MBIP: variants seen among roughly 807,000 people sequenced by gnomAD.
The protein encoded by MBIP is MAP3K12 binding inhibitory protein 1.
Under a neutral mutation model 45.7 loss-of-function variants are expected in MBIP, and 32 were observed. The ratio of observed to expected loss-of-function variants is 0.70; its 90% CI spans 0.53 to 0.94. The LOEUF is 0.94. Among genes scored for constraint, MBIP ranks in the 40% least tolerant of loss-of-function variants. MBIP has a pLI of 0.00. For synonymous variants in MBIP, 145 were observed against 141.0 expected, an observed-to-expected ratio of 1.03 and a Z score of -0.20; for missense variants, 381 against 405.5, an observed-to-expected ratio of 0.94 and a Z score of 0.52.
intron 1 of MBIP, among the ~76,000 whole-genome samples, chr14:36,318,175 T>G (rs1468054560): frequency 6.6e-6 from 1 of 152,048 alleles, no homozygotes; most frequent in Admixed American, 6.5e-5. Flanking sequence ...TTTCATAGTC[T>G]TCAAGGAGAT....
At chr14:36,318,270 T>C (rs1030970877) in intron 1 of MBIP, among the ~76,000 whole-genome samples, 1 of 152,002 alleles carries the variant, frequency 6.6e-6, no homozygotes, top group Non-Finnish European at 1.5e-5. Flanking sequence ...TCACATTTTC[T>C]AGAGAAAATA....
intron 5 of MBIP, 113 bp from the exon 6 acceptor site, chr14:36,311,838 G>A (rs1880231170): frequency 8.6e-6 from 10 of 1,159,242 alleles, no homozygotes; most frequent in Non-Finnish European, 1.2e-5. Flanking sequence ...CCACAAGTAT[G>A]AAGGACGGCA....
intron 7 of MBIP, among the ~76,000 whole-genome samples, chr14:36,305,726 C>A (rs973685399): frequency 6.6e-6 from 1 of 152,096 alleles, no homozygotes; most frequent in East Asian, 1.9e-4. Context: ...ACCTTCATAA[C>A]CTCCTCTGCC....
chr14:36,319,915 T>G (rs1351003377), intron 1 of MBIP: 2 of 163,928 alleles, frequency 1.2e-5, no homozygotes, highest in Non-Finnish European at 2.7e-5. Context: ...AGAAGTATTT[T>G]AAATGAATTC....
At chr14:36,300,048 T>C (rs1173289802) in intron 8 of MBIP, among the ~76,000 whole-genome samples, 1 of 152,136 alleles carries the variant, frequency 6.6e-6, no homozygotes, top group East Asian at 1.9e-4. Context: ...ATGATGAATT[T>C]TATGTTATGT....
At chr14:36,304,712 T>C (rs1435324325) in intron 7 of MBIP, among the ~76,000 whole-genome samples, 2 of 152,254 alleles carry the variant, frequency 1.3e-5, no homozygotes, top group Admixed American at 6.5e-5. Context: ...TAACTTATTT[T>C]GGAGTTTTAT....
intron 6 of MBIP, among the ~76,000 whole-genome samples, chr14:36,311,047 T>C (rs561968118): frequency 6.6e-5 from 10 of 152,292 alleles, no homozygotes; most frequent in African/African-American, 2.4e-4. Context: ...ACTCTAGTAG[T>C]AGCAGTAGAG....
chr14:36,301,215 C>T (rs79447545), intron 7 of MBIP, among the ~76,000 whole-genome samples: 7,570 of 152,108 alleles, frequency 0.05, 582 homozygotes, highest in African/African-American at 0.17. Context: ...AAAGGAAAAA[C>T]GGAATCTGGT....
intron 4 of MBIP, chr14:36,313,159 A>C (rs1037821668): frequency 2.1e-5 from 3 of 144,402 alleles, no homozygotes; most frequent in Non-Finnish European, 3.0e-5. Context: ...TTTTTTTTGG[A>C]GGCACCTCAA....
chr14:36,316,565 G>T, intron 2 of MBIP, 128 bp downstream of exon 2: 2 of 846,500 alleles, frequency 2.4e-6, no homozygotes, highest in Non-Finnish European at 3.6e-6. Context: ...ATTAAATCCG[G>T]ATGTAAATAA....
At chr14:36,318,331 C>T (rs79855793) in intron 1 of MBIP, among the ~76,000 whole-genome samples, 5,638 of 152,062 alleles carry the variant, frequency 0.037, 314 homozygotes, top group African/African-American at 0.13. Flanking sequence ...CATTTCAATT[C>T]AGCAGAATTA....
chr14:36,314,472 G>T (rs1880421770), intron 4 of MBIP, 40 bp downstream of exon 4: 6 of 1,202,886 alleles, frequency 5.0e-6, no homozygotes, highest in Non-Finnish European at 7.1e-6. Context: ...TATAAAAATT[G>T]TGCTTAAAAC....
At position 36,308,141 on chromosome 14, in the gene MBIP, T is replaced by C; in HGVS notation, c.839A>G (p.Asp280Gly). Residue 280 changes from aspartate (D) to glycine (G), a missense_variant, in exon 7 of 9, where the codon GAT becomes GGT. Asp to Gly is a moderately conservative substitution (Grantham distance 94). Transcript: ENST00000416007. The part of the protein sequence containing the change: ...DIYQRIKKLE[D>G]KILELEGISP... ...GATGCCTTCCAATTCAAGGATTTTA[T>C]CCTCAAGTTTTTTAATTCTCTGATA... 1.2e-6 allele frequency: 2 copies of C among 1,607,632 alleles called. No homozygotes were observed. The highest frequency in any genetic ancestry group is 1.7e-6 in the Non-Finnish European group (2 of 1,175,816).
intron 1 of MBIP, among the ~76,000 whole-genome samples, chr14:36,318,425 T>C (rs929026728): frequency 2.0e-5 from 3 of 151,982 alleles, no homozygotes; most frequent in Non-Finnish European, 2.9e-5. Context: ...ACTGTCCTAA[T>C]ACATCTAACT....
At chr14:36,304,949 G>A (rs904513041) in intron 7 of MBIP, 12 of 152,304 alleles carry the variant, frequency 7.9e-5, no homozygotes, top group Admixed American at 6.5e-4. Flanking sequence ...GAGTTCAGGA[G>A]TTCCAACAAA....
chr14:36,314,675 C>CA lies in MBIP; in HGVS notation c.474+15dup, dbSNP rs1443919163. On this transcript the variant is annotated intron_variant, in intron 3 of 8. Coordinates refer to ENST00000416007, the MANE Select transcript of MBIP (RefSeq NM_016586.3). ...TAAAATAATACCCTCTCGCCCCCGC[C>CA]AAAAAACCTTCTTACTTCTGCTTTT... 1 of 1,610,764 alleles carries CA rather than the reference C, an allele frequency of 6.2e-7. No homozygotes were observed. Among genetic ancestry groups the CA allele is most frequent in the East Asian group, 2.2e-5 (1 of 44,810 alleles).
intron 4 of MBIP, chr14:36,314,264 A>G (rs528411411): frequency 1.6e-5 from 6 of 381,426 alleles, no homozygotes; most frequent in Admixed American, 4.2e-5. Flanking sequence ...GAACTTTAAA[A>G]TAATCTTCAC....
intron 7 of MBIP, among the ~76,000 whole-genome samples, chr14:36,303,137 T>A (rs1879672699): frequency 6.6e-6 from 1 of 152,200 alleles, no homozygotes; most frequent in Non-Finnish European, 1.5e-5. Flanking sequence ...TTAGAGGTGT[T>A]GAATGCATTT....
In MBIP at chr14:36,310,902, G is replaced by A. The variant is rs528364839; in HGVS notation, c.790+671C>T. 2.2e-3 allele frequency among the ~76,000 whole-genome samples: 329 copies of A among 152,230 alleles called. 1 individual carries two copies. Among genetic ancestry groups the A allele is most frequent in the Non-Finnish European group, 3.9e-3 (264 of 67,982 alleles). On this transcript the variant is annotated intron_variant, in intron 6 of 8. Transcript: ENST00000416007. ...TCCCAATCTCCACATTTTTAGCTGG[G>A]AAGAAACAAGATCAAATTTGAGCTT... is the stretch of plus-strand genomic sequence containing the variant.
Sources: gnomAD v4.1 joint callset for allele counts (sites outside exome capture counted in the v4.1 genomes callset) on GRCh38, gnomAD v4.1.1 for gene constraint, MANE v1.5 for transcripts, NCBI Gene and HGNC (gene_info 2026-07-23, HGNC 2026-07-21) for gene names.